SPRED1: variants seen among roughly 807,000 people sequenced by gnomAD.
SPRED1 encodes the protein sprouty related EVH1 domain containing 1, also known as sprouty-related, EVH1 domain-containing protein 1.
A neutral mutation model predicts 52.3 loss-of-function variants in SPRED1; 18 were observed. That is an observed-to-expected ratio of 0.34 (90% confidence interval 0.24 to 0.51). SPRED1 has a LOEUF of 0.51. SPRED1 is among the 20% of genes least tolerant of loss of function. SPRED1 has a pLI of 0.97. For missense variants in SPRED1, 485 were observed against 551.0 expected, an observed-to-expected ratio of 0.88 and a Z score of 1.20; for synonymous variants, 155 against 179.7, an observed-to-expected ratio of 0.86 and a Z score of 1.10.
At chr15:38,255,298 G>A (rs1261086311) in intron 1 of SPRED1, among the ~76,000 whole-genome samples, 3 of 151,972 alleles carry the variant, frequency 2.0e-5, no homozygotes, top group African/African-American at 2.4e-5. Context: ...TCATCTAAAT[G>A]TACTTAGTAT....
intron 6 of SPRED1, among the ~76,000 whole-genome samples, chr15:38,350,306 G>A (rs933316467): frequency 2.0e-5 from 3 of 151,918 alleles, no homozygotes; most frequent in African/African-American, 4.8e-5. Context: ...TCCTCTGCCC[G>A]TACATCCCTG....
chr15:38,274,135 C>T (rs898748949), intron 1 of SPRED1, among the ~76,000 whole-genome samples: 3 of 152,178 alleles, frequency 2.0e-5, no homozygotes, highest in Admixed American at 2.0e-4. Context: ...ATCACAGTGA[C>T]AGGGAGACAG....
intron 4 of SPRED1, among the ~76,000 whole-genome samples, chr15:38,330,674 A>G (rs900876370): frequency 1.3e-5 from 2 of 152,162 alleles, no homozygotes; most frequent in African/African-American, 2.4e-5. Context: ...TTTACCAAAG[A>G]AAATTTTAAA....
chr15:38,287,878 A>G (rs1266057925), intron 1 of SPRED1, among the ~76,000 whole-genome samples: 2 of 152,008 alleles, frequency 1.3e-5, no homozygotes, highest in Non-Finnish European at 1.5e-5. Context: ...GTAGCCTACT[A>G]TCAGGAAAAC....
chr15:38,329,229 G>C (rs1396094293), intron 4 of SPRED1, among the ~76,000 whole-genome samples: 1 of 152,132 alleles, frequency 6.6e-6, no homozygotes, highest in Non-Finnish European at 1.5e-5. Context: ...AGAAAGATGA[G>C]ATCTGATTGA....
intron 5 of SPRED1, among the ~76,000 whole-genome samples, chr15:38,348,416 C>CTG (rs3075338): frequency 0.16 from 24,090 of 148,566 alleles, 1,985 homozygotes; most frequent in African/African-American, 0.19. Context: ...TTTTAAAGAT[C>CTG]TGTGTGTGTG....
intron 2 of SPRED1, among the ~76,000 whole-genome samples, chr15:38,311,631 C>T (rs539101011): frequency 1.3e-5 from 2 of 152,250 alleles, no homozygotes; most frequent in East Asian, 3.9e-4. Context: ...TCTATTTCAT[C>T]ATGGTTGAAT....
intron 1 of SPRED1, among the ~76,000 whole-genome samples, chr15:38,273,368 T>C (rs542332308): frequency 2.2e-4 from 34 of 152,182 alleles, no homozygotes; most frequent in South Asian, 1.7e-3. Context: ...TTAACTGTTT[T>C]TGATTCACTT....
chr15:38,338,242 T>A (rs1325686711), intron 4 of SPRED1, among the ~76,000 whole-genome samples: 17 of 149,856 alleles, frequency 1.1e-4, no homozygotes, highest in African/African-American at 4.1e-4. Flanking sequence ...GAAATTGTGG[T>A]TTAGAGAAGT....
intron 1 of SPRED1, among the ~76,000 whole-genome samples, chr15:38,282,222 C>T (rs902692867): frequency 6.6e-6 from 1 of 152,024 alleles, no homozygotes; most frequent in Non-Finnish European, 1.5e-5. Context: ...TGCCTGTAAT[C>T]CCAGCACTTT....
At chr15:38,337,690 C>CT (rs1895948881) in intron 4 of SPRED1, among the ~76,000 whole-genome samples, 1 of 152,026 alleles carries the variant, frequency 6.6e-6, no homozygotes, top group South Asian at 2.1e-4. Flanking sequence ...CAGCAAGACA[C>CT]TAAGTTTGTT....
At chr15:38,262,438 A>T (rs899752048) in intron 1 of SPRED1, among the ~76,000 whole-genome samples, 1 of 152,198 alleles carries the variant, frequency 6.6e-6, no homozygotes, top group Admixed American at 6.5e-5. Context: ...AAGAAGTGGC[A>T]TTTTAAGAGT....
In SPRED1 at chr15:38,253,159, T is replaced by TGGAGATCA. The variant is rs1200742582; in HGVS notation, c.-27_-26insGGAGATCA. On this transcript the variant is annotated 5_prime_UTR_variant, in exon 1 of 7. An upstream open reading frame in the 5' UTR loses its in-frame stop. Coordinates refer to ENST00000299084, the MANE Select transcript of SPRED1 (RefSeq NM_152594.3). The stretch of plus-strand genomic sequence containing the variant: ...CCCCGCCTGCTGTTGCTCCTCCATC[T>TGGAGATCA]CCAGATCGGATCACGGTGAGGGAAA... 1 of 1,571,616 alleles carries TGGAGATCA rather than the reference T, an allele frequency of 6.4e-7. No individual in the cohort carries two copies.
At chr15:38,282,318 T>C (rs1482208548) in intron 1 of SPRED1, among the ~76,000 whole-genome samples, 4 of 59,154 alleles carry the variant, frequency 6.8e-5, no homozygotes, top group Admixed American at 6.4e-4. Flanking sequence ...CTACTAAAAA[T>C]ACACACACAC....
chr15:38,278,006 T>TAGTGGC, intron 1 of SPRED1, among the ~76,000 whole-genome samples: 1 of 151,418 alleles, frequency 6.6e-6, no homozygotes, highest in South Asian at 2.1e-4. Flanking sequence ...AAGGATGTAT[T>TAGTGGC]AATGGCAAGT....
In SPRED1 at chr15:38,354,735, A is replaced by G. The variant is rs1053805409; in HGVS notation, c.*3071A>G. 3.3e-5 allele frequency: 5 copies of G among 152,192 alleles called. No individual in the cohort carries two copies. Among genetic ancestry groups the G allele is most frequent in the African/African-American group, 1.2e-4 (5 of 41,446 alleles). The allele number at this position is 152,192 out of a possible 1,614,324, so 9.4% of individuals were successfully genotyped here. ...ACTTTTTTCTTACATATCCTGTTTT[A>G]AAATATTTGTTGATATTTGGGACTG... On this transcript the variant is annotated 3_prime_UTR_variant, in exon 7 of 7. Transcript: ENST00000299084.
intron 1 of SPRED1, among the ~76,000 whole-genome samples, chr15:38,253,591 T>C (rs776611996): frequency 3.3e-5 from 5 of 152,138 alleles, no homozygotes; most frequent in Admixed American, 6.5e-5. Flanking sequence ...CTACTTCCTT[T>C]ATAGCTGTTT....
Position 38,339,719 on chromosome 15 carries a change from G to A in SPRED1, c.424-18G>A, listed in dbSNP as rs7179118. The A allele has an allele frequency of 0.24, 391,786 of 1,610,272 alleles. 49,718 individuals are homozygous for A. The highest frequency in any genetic ancestry group is 0.3 in the Middle Eastern group (1,841 of 6,050). On this transcript the variant is annotated intron_variant, in intron 4 of 6. Coordinates refer to ENST00000299084, the MANE Select transcript of SPRED1 (RefSeq NM_152594.3). ...TTTTTATTCTGGCAACTAATGCATTGAGGGTTGTTCCCAATAGGCAAATGA... is the reference window on the plus strand; with the variant it reads ...TTTTTATTCTGGCAACTAATGCATTAAGGGTTGTTCCCAATAGGCAAATGA...
chr15:38,298,279 C>G, intron 1 of SPRED1, among the ~76,000 whole-genome samples: 1 of 152,206 alleles, frequency 6.6e-6, no homozygotes, highest in East Asian at 1.9e-4. Flanking sequence ...ACAGTACAAC[C>G]ACTTTGGAAG....
Sources: gnomAD v4.1 joint callset for allele counts (sites outside exome capture counted in the v4.1 genomes callset) on GRCh38, gnomAD v4.1.1 for gene constraint, MANE v1.5 for transcripts, NCBI Gene and HGNC (gene_info 2026-07-23, HGNC 2026-07-21) for gene names.